BBS12: variants seen among roughly 807,000 people sequenced by gnomAD.
BBS12 encodes the protein Bardet-Biedl syndrome 12.
A neutral mutation model predicts 5.6 loss-of-function variants in BBS12; 5 were observed. That is an observed-to-expected ratio of 0.89 (90% CI 0.46 to 1.86). BBS12 has a LOEUF of 1.86. BBS12 is among the 40% of genes most tolerant of loss of function. The probability of loss-of-function intolerance (pLI) is 0.01; values close to 1 mark genes in which losing one functional copy is unlikely to be tolerated. For synonymous variants in BBS12, 308 were observed against 306.8 expected (o/e 1.00, Z -0.04); for missense variants, 748 against 830.4 (o/e 0.90, Z 1.22).
At chr4:122,712,983 T>A in the BBS12 span, among the ~76,000 whole-genome samples, 1 of 152,158 alleles carries the variant, frequency 6.6e-6, no homozygotes, top group Non-Finnish European at 1.5e-5. Context: ...TGACTCACTG[T>A]GGTTTTTGAT....
At chr4:122,713,257 G>C in the BBS12 span, among the ~76,000 whole-genome samples, 1 of 152,024 alleles carries the variant, frequency 6.6e-6, no homozygotes, top group Non-Finnish European at 1.5e-5. Context: ...GATGTGTTCT[G>C]TCATGTTTTT....
intron 1 of BBS12, among the ~76,000 whole-genome samples, chr4:122,736,864 A>C (rs747479064): frequency 6.6e-6 from 1 of 152,162 alleles, no homozygotes; most frequent in Non-Finnish European, 1.5e-5. Context: ...TCAAAATAAT[A>C]ATTTAGGAGC....
the BBS12 span, among the ~76,000 whole-genome samples, chr4:122,709,879 C>T: frequency 6.6e-6 from 1 of 152,144 alleles, no homozygotes; most frequent in Non-Finnish European, 1.5e-5. Flanking sequence ...TGGTCTCGAA[C>T]TCCTAACCTC....
chr4:122,735,666 G>C (rs1800774379), intron 1 of BBS12, among the ~76,000 whole-genome samples: 1 of 152,068 alleles, frequency 6.6e-6, no homozygotes, highest in Admixed American at 6.5e-5. Flanking sequence ...GAACAAATAT[G>C]GTGAAAAAAA....
At chr4:122,734,674 A>G (rs981787771) in intron 1 of BBS12, among the ~76,000 whole-genome samples, 19 of 152,232 alleles carry the variant, frequency 1.2e-4, no homozygotes, top group African/African-American at 4.3e-4. Flanking sequence ...CTCTTGGATC[A>G]TGTTTGATCT....
the BBS12 span, among the ~76,000 whole-genome samples, chr4:122,702,504 G>A: frequency 2.6e-5 from 4 of 152,216 alleles, no homozygotes; most frequent in East Asian, 7.7e-4. Flanking sequence ...TGAGAATTAG[G>A]GCTAGTCTTG....
Position 122,742,748 on chromosome 4 carries a change from G to A in BBS12, c.856G>A (p.Val286Ile), listed in dbSNP as rs1314140651. ...SHGDHSSMKL[V>I]EEAVQLQYQN... ...TGGAGATCACAGCAGCATGAAGTTA[G>A]TAGAAGAAGCAGTACAGCTGCAATA... The change falls in exon 2 of 2, where the codon GTA becomes ATA. Residue 286 changes from valine (V) to isoleucine (I), a missense_variant. By Grantham distance (29) the Val-to-Ile change is conservative. Coordinates refer to ENST00000314218, the MANE Select transcript of BBS12 (RefSeq NM_152618.3). The A allele has an allele frequency of 2.5e-6, 4 of 1,614,116 alleles. No individual in the cohort carries two copies. The highest frequency in any genetic ancestry group is 2.2e-5 in the South Asian group (2 of 91,090).
chr4:122,708,794 T>A, the BBS12 span, among the ~76,000 whole-genome samples: 1 of 152,146 alleles, frequency 6.6e-6, no homozygotes, highest in East Asian at 1.9e-4. Flanking sequence ...CGTACATGTA[T>A]AAAATTATAA....
At position 122,742,592 on chromosome 4, in the gene BBS12, A is replaced by T. The variant is rs751639360; in HGVS notation, c.700A>T (p.Ser234Cys). 5 of 1,614,230 alleles carry T rather than the reference A, an allele frequency of 3.1e-6. No individual in the cohort carries two copies. ...CTGCAGACAGTCAATACTAATCCACAGTAGGCATTTTAATAGGACAGATAA... is the reference window on the plus strand; with the variant it reads ...CTGCAGACAGTCAATACTAATCCACTGTAGGCATTTTAATAGGACAGATAA... ...TCCRQSILIH[S>C]RHFNRTDNTE... is the part of the protein sequence containing the mutation. The change falls in exon 2 of 2, where the codon AGT becomes TGT. Residue 234 changes from serine to cysteine, a missense_variant. Physicochemically the swap from Ser to Cys is moderately radical, Grantham distance 112 (BLOSUM62 -1). Transcript: ENST00000314218.
the BBS12 span, among the ~76,000 whole-genome samples, chr4:122,708,628 GTAT>G: frequency 6.6e-6 from 1 of 151,916 alleles, no homozygotes; most frequent in Non-Finnish European, 1.5e-5. Flanking sequence ...TTGGGATGTA[GTAT>G]TATAAATATA....
chr4:122,716,437 C>A, the BBS12 span, among the ~76,000 whole-genome samples: 1 of 151,580 alleles, frequency 6.6e-6, no homozygotes, highest in Admixed American at 6.6e-5. Context: ...GCAAAACAAT[C>A]AAGTTACTAT....
the BBS12 span, among the ~76,000 whole-genome samples, chr4:122,721,702 G>C: frequency 6.6e-6 from 1 of 152,220 alleles, no homozygotes; most frequent in African/African-American, 2.4e-5. Flanking sequence ...TTTCTATATA[G>C]CTCCCTGACT....
the BBS12 span, among the ~76,000 whole-genome samples, chr4:122,726,598 C>T: frequency 6.6e-6 from 1 of 152,078 alleles, no homozygotes; most frequent in South Asian, 2.1e-4. Context: ...AGTCATCATA[C>T]AAAAAAGATA....
the BBS12 span, among the ~76,000 whole-genome samples, chr4:122,703,481 A>G: frequency 4.1e-3 from 620 of 152,330 alleles, 2 homozygotes; most frequent in African/African-American, 0.013. Flanking sequence ...GTTTGACGTT[A>G]GAGTGAGCTA....
chr4:122,727,923 T>C (rs1463826092), upstream of BBS12, among the ~76,000 whole-genome samples: 2 of 151,952 alleles, frequency 1.3e-5, no homozygotes, highest in Non-Finnish European at 1.5e-5. Context: ...AATAGACAAA[T>C]AGAGTCTAAA....
chr4:122,703,008 C>G, the BBS12 span, among the ~76,000 whole-genome samples: 1 of 152,184 alleles, frequency 6.6e-6, no homozygotes, highest in Non-Finnish European at 1.5e-5. Context: ...AAGTATAAAA[C>G]TTTTATATTT....
At chr4:122,719,440 A>G in the BBS12 span, among the ~76,000 whole-genome samples, 5 of 152,098 alleles carry the variant, frequency 3.3e-5, no homozygotes, top group East Asian at 7.8e-4. Flanking sequence ...CTTCACAATA[A>G]ATCTTGCTGC....
intron 1 of BBS12, among the ~76,000 whole-genome samples, chr4:122,738,727 A>G (rs1288790795): frequency 6.6e-6 from 1 of 152,248 alleles, no homozygotes; most frequent in Non-Finnish European, 1.5e-5. Context: ...TCTCCAAAAA[A>G]GATACACAAA....
At chr4:122,716,666 CATATGTGTATATAT>C in the BBS12 span, among the ~76,000 whole-genome samples, 16,311 of 115,318 alleles carry the variant, frequency 0.14, 2,199 homozygotes, top group Non-Finnish European at 0.17. Flanking sequence ...TGCACATACA[CATATGTGTATATAT>C]ACACATATGT....
Sources: allele counts gnomAD v4.1 joint callset (sites outside exome capture counted in the v4.1 genomes callset), GRCh38; gene constraint gnomAD v4.1.1; transcripts MANE v1.5; gene names NCBI Gene and HGNC (gene_info 2026-07-23, HGNC 2026-07-21).